The following CDH12 variants were observed in gnomAD, a reference collection of about 807,000 sequenced individuals.
CDH12 encodes the protein cadherin 12.
In CDH12, 41 loss-of-function variants were observed where a neutral mutation model predicts 74.1. The observed-to-expected ratio is 0.55, with a 90% CI of 0.43 to 0.72. The LOEUF (loss-of-function observed/expected upper bound fraction) is 0.72. CDH12 is among the 30% of genes least tolerant of loss of function. The probability of loss-of-function intolerance (pLI) is 0.00; values close to 1 mark genes in which losing one functional copy is unlikely to be tolerated. For synonymous variants in CDH12, 399 were observed against 355.0 expected (o/e 1.12, Z -1.39); for missense variants, 945 against 977.2 (o/e 0.97, Z 0.44).
At chr5:22,558,967 T>G (rs16896852) in intron 1 of CDH12, among the ~76,000 whole-genome samples, 24,464 of 152,032 alleles carry the variant, frequency 0.16, 2,546 homozygotes, top group East Asian at 0.37. Flanking sequence ...AGCAAAAAGA[T>G]GCCACTGCTT....
chr5:22,457,808 G>A (rs898567156), intron 2 of CDH12, among the ~76,000 whole-genome samples: 8 of 151,808 alleles, frequency 5.3e-5, no homozygotes, highest in Admixed American at 2.6e-4. Flanking sequence ...GCAGTGGTGC[G>A]ATCTCAGCTC....
At chr5:22,511,494 A>C (rs904837425) in intron 1 of CDH12, among the ~76,000 whole-genome samples, 2 of 152,228 alleles carry the variant, frequency 1.3e-5, no homozygotes, top group African/African-American at 4.8e-5. Flanking sequence ...AGCCATTATC[A>C]GAGAAATCCA....
At position 21,859,300 on chromosome 5, in the gene CDH12, C is replaced by T. The variant is rs118181341; in HGVS notation, c.527-4510G>A. 3.7e-4 allele frequency among the ~76,000 whole-genome samples: 57 copies of T among 152,002 alleles called. No homozygotes were observed. The East Asian group carries it at 0.011, about 29-fold the overall frequency. On this transcript the variant is annotated intron_variant, in intron 6 of 14. Coordinates refer to ENST00000382254, the MANE Select transcript of CDH12 (RefSeq NM_004061.5). ...GAGGGAAGGTGAAGGGGAAGAAAGG[C>T]ACCTTCTTCACAGGGGAGCAGGAAG...
intron 6 of CDH12, among the ~76,000 whole-genome samples, chr5:21,947,546 TTTTAA>T (rs1331747761): frequency 6.6e-6 from 1 of 152,224 alleles, no homozygotes; most frequent in East Asian, 1.9e-4. Flanking sequence ...TCTGTGGAAC[TTTTAA>T]TTTGAGAAAC....
intron 6 of CDH12, among the ~76,000 whole-genome samples, chr5:21,880,760 C>T (rs928682813): frequency 2.7e-5 from 4 of 150,570 alleles, no homozygotes; most frequent in Admixed American, 1.3e-4. Flanking sequence ...GGCACTCACT[C>T]GTTGTGACGT....
At position 22,078,576 on chromosome 5, in the gene CDH12, TCTGTGGCTAAAGTCTG is replaced by T. The variant is rs749103879; in HGVS notation, c.85_100del (p.Gln29SerfsTer49). ...CAGATGGATAACATTTTCTCTTGGC[TCTGTGGCTAAAGTCTG>T]CTGTGGCTGTGGTTGTAGTGGTGTT... On this transcript the variant is annotated frameshift_variant, in exon 5 of 15. Transcript: ENST00000382254. LOFTEE classifies it high-confidence loss of function. 6.2e-7 allele frequency: 1 copy of T among 1,613,976 alleles called. No individual in the cohort carries two copies. Among genetic ancestry groups the T allele is most frequent in the Non-Finnish European group, 8.5e-7 (1 of 1,179,888 alleles).
At chr5:22,423,628 G>A (rs1342307259) in intron 2 of CDH12, among the ~76,000 whole-genome samples, 4 of 151,432 alleles carry the variant, frequency 2.6e-5, no homozygotes, top group Non-Finnish European at 4.4e-5. Context: ...AATTCAAAAA[G>A]CCAAGTGAAA....
At chr5:22,830,120 A>C (rs1736523171) in intron 1 of CDH12, among the ~76,000 whole-genome samples, 1 of 152,194 alleles carries the variant, frequency 6.6e-6, no homozygotes, top group African/African-American at 2.4e-5. Flanking sequence ...TATCATCAAA[A>C]GGATGAATAA....
chr5:22,027,884 C>A (rs1266263053), intron 5 of CDH12, among the ~76,000 whole-genome samples: 1 of 152,084 alleles, frequency 6.6e-6, no homozygotes, highest in African/African-American at 2.4e-5. Flanking sequence ...TCTTGCTTTT[C>A]TAGTTCTTTT....
intron 1 of CDH12, among the ~76,000 whole-genome samples, chr5:22,826,981 A>G (rs532861740): frequency 4.6e-5 from 7 of 152,328 alleles, no homozygotes; most frequent in South Asian, 4.1e-4. Flanking sequence ...CAGAATGTCA[A>G]TTCCCAAGAC....
chr5:21,862,108 C>A (rs1751076738), intron 6 of CDH12, among the ~76,000 whole-genome samples: 1 of 151,970 alleles, frequency 6.6e-6, no homozygotes, highest in Admixed American at 6.6e-5. Context: ...TACACCTTAA[C>A]AACTATTATC....
intron 8 of CDH12, among the ~76,000 whole-genome samples, chr5:21,818,700 G>C (rs1748201117): frequency 6.6e-6 from 1 of 151,774 alleles, no homozygotes; most frequent in Admixed American, 6.6e-5. Flanking sequence ...ACTTTACAGT[G>C]GTCCACAAGA....
At chr5:22,390,338 C>T (rs1285693506) in intron 3 of CDH12, among the ~76,000 whole-genome samples, 3 of 152,010 alleles carry the variant, frequency 2.0e-5, no homozygotes, top group Non-Finnish European at 4.4e-5. Flanking sequence ...ACTATGTCTA[C>T]AATAGTAATG....
intron 10 of CDH12, among the ~76,000 whole-genome samples, chr5:21,794,278 CTTTT>C (rs955205947): frequency 2.0e-5 from 3 of 151,060 alleles, no homozygotes; most frequent in African/African-American, 4.9e-5. Flanking sequence ...TTCTTGTTTG[CTTTT>C]TTTTGTTTTT....
intron 11 of CDH12, among the ~76,000 whole-genome samples, chr5:21,779,908 A>G (rs552316230): frequency 3.3e-5 from 5 of 152,278 alleles, no homozygotes; most frequent in African/African-American, 1.2e-4. Flanking sequence ...TTCTTATAGA[A>G]TCTTTAATTA....
chr5:22,453,284 C>T (rs774129113), intron 2 of CDH12, among the ~76,000 whole-genome samples: 4 of 151,986 alleles, frequency 2.6e-5, no homozygotes, highest in Non-Finnish European at 5.9e-5. Context: ...GTTTGTAGTC[C>T]TGTATTTATT....
At chr5:21,836,928 A>G (rs1414300003) in intron 8 of CDH12, among the ~76,000 whole-genome samples, 1 of 151,934 alleles carries the variant, frequency 6.6e-6, no homozygotes, top group Non-Finnish European at 1.5e-5. Flanking sequence ...TTTCTGAAAC[A>G]ATATTACTAC....
At chr5:22,016,475 A>G (rs572672144) in intron 5 of CDH12, among the ~76,000 whole-genome samples, 2 of 151,982 alleles carry the variant, frequency 1.3e-5, no homozygotes, top group African/African-American at 2.4e-5. Context: ...GACTCACTTC[A>G]ACCTCCGCCT....
At chr5:21,921,147 A>G (rs1209863114) in intron 6 of CDH12, among the ~76,000 whole-genome samples, 3 of 152,220 alleles carry the variant, frequency 2.0e-5, no homozygotes, top group Admixed American at 6.5e-5. Context: ...AGGAAATGTG[A>G]GGATAAATAA....
Sources: gnomAD v4.1 joint callset for allele counts (sites outside exome capture counted in the v4.1 genomes callset) on GRCh38, gnomAD v4.1.1 for gene constraint, MANE v1.5 for transcripts, NCBI Gene and HGNC (gene_info 2026-07-23, HGNC 2026-07-21) for gene names.